Variants in CCDC85C observed in about 807,000 individuals in gnomAD.
CCDC85C encodes the protein coiled-coil domain containing 85C.
CCDC85C carries 18 observed loss-of-function variants against 38.3 expected under a neutral mutation model. The observed-to-expected ratio is 0.47, with a 90% confidence interval of 0.33 to 0.70. The LOEUF is 0.70. Among genes scored for constraint, CCDC85C ranks in the 30% least tolerant of loss-of-function variants. The pLI is 0.03. For synonymous variants in CCDC85C, 264 were observed against 293.8 expected (o/e 0.90, Z 1.04); for missense variants, 566 against 621.2 (o/e 0.91, Z 0.94).
chr14:99,563,240 C>T lies in CCDC85C; in HGVS notation c.794-27152G>A, dbSNP rs186684240. Reference sequence around the variant, plus strand: ...GGTGCACTGGGAGGCCAGGCATCCTCCCTCCTGCTTCTCCGTCCACTCCTC... The same window carrying T: ...GGTGCACTGGGAGGCCAGGCATCCTTCCTCCTGCTTCTCCGTCCACTCCTC... On this transcript the variant is annotated intron_variant, in intron 1 of 5. Coordinates refer to ENST00000380243, the MANE Select transcript of CCDC85C (RefSeq NM_001144995.2). Among the ~76,000 whole-genome samples, 31 of 152,388 alleles carry T rather than the reference C, an allele frequency of 2.0e-4. No homozygotes were observed. The East Asian group carries it at 5.8e-3, about 28-fold the overall frequency.
chr14:99,517,363 G>C (rs529463959), intron 3 of CCDC85C, among the ~76,000 whole-genome samples, 180 bp from the exon 4 acceptor site: 36 of 152,146 alleles, frequency 2.4e-4, no homozygotes, highest in Non-Finnish European at 4.7e-4. Flanking sequence ...AGCCAGTCTG[G>C]CCAGTCCCGC....
chr14:99,500,827 A>T lies in CCDC85C; in HGVS notation c.*14419T>A. ...ACCATCAAGTTTGATTTACAGGTAG[A>T]ACATCCATACCAGTTCCTACTAAAA... On this transcript the variant is annotated 3_prime_UTR_variant, in exon 6 of 6. Coordinates refer to ENST00000380243, the MANE Select transcript of CCDC85C (RefSeq NM_001144995.2). 1.3e-6 allele frequency: 2 copies of T among 1,566,218 alleles called. No homozygotes were observed. The highest frequency in any genetic ancestry group is 2.3e-5 in the East Asian group (1 of 42,906).
At chr14:99,530,724 G>T (rs905582172) in intron 2 of CCDC85C, among the ~76,000 whole-genome samples, 1 of 152,222 alleles carries the variant, frequency 6.6e-6, no homozygotes, top group Non-Finnish European at 1.5e-5. Context: ...TGCTTCCCAG[G>T]GGCCACATCA....
intron 1 of CCDC85C, among the ~76,000 whole-genome samples, chr14:99,575,222 C>T (rs1398527960): frequency 2.0e-5 from 3 of 152,196 alleles, no homozygotes; most frequent in Non-Finnish European, 4.4e-5. Context: ...CCTCAGCCAG[C>T]GCAGGGCATT....
chr14:99,595,212 CTT>C (rs2055130250), intron 1 of CCDC85C, among the ~76,000 whole-genome samples: 1 of 152,152 alleles, frequency 6.6e-6, no homozygotes, highest in Non-Finnish European at 1.5e-5. Flanking sequence ...CACCGCATGA[CTT>C]TGCTCGGCTC....
intron 3 of CCDC85C, among the ~76,000 whole-genome samples, chr14:99,521,019 T>G (rs1186736665): frequency 2.0e-5 from 3 of 152,210 alleles, no homozygotes; most frequent in Non-Finnish European, 2.9e-5. Context: ...CTGGTACATG[T>G]GAGAGCTGTG....
rs1595084897 is a variant in CCDC85C, at chr14:99,558,574, T to C, written c.794-22486A>G. Reference sequence around the variant, plus strand: ...AGGTGGAGGTTGCAGTGAGCCAAGATTGTGCCACTGCACTCCAGCCTGGAG... The same window carrying C: ...AGGTGGAGGTTGCAGTGAGCCAAGACTGTGCCACTGCACTCCAGCCTGGAG... On this transcript the variant is annotated intron_variant, in intron 1 of 5. Transcript: ENST00000380243. This position sits in a 1 kb window ranked among gnomAD's most constrained non-coding sequence, Gnocchi z 4.2. Among the ~76,000 whole-genome samples the C allele has an allele frequency of 6.6e-6, 1 of 152,200 alleles. No homozygotes were observed. Among genetic ancestry groups the C allele is most frequent in the South Asian group, 2.1e-4 (1 of 4,830 alleles).
chr14:99,517,316 G>A (rs1452950078), intron 3 of CCDC85C, 133 bp from the exon 4 acceptor site: 8 of 689,428 alleles, frequency 1.2e-5, no homozygotes, highest in Non-Finnish European at 1.9e-5. Flanking sequence ...GTGAGGCAGA[G>A]GAGGCAGGTG....
rs1897767553 is a variant in CCDC85C, at chr14:99,544,360, A to ATT, written c.794-8274_794-8273dup. Among the ~76,000 whole-genome samples, 1 of 152,082 alleles carries ATT rather than the reference A, an allele frequency of 6.6e-6. No individual in the cohort carries two copies. The highest frequency in any genetic ancestry group is 6.5e-5 in the Admixed American group (1 of 15,276). On this transcript the variant is annotated intron_variant, in intron 1 of 5. Coordinates refer to ENST00000380243, the MANE Select transcript of CCDC85C (RefSeq NM_001144995.2). This position sits in a 1 kb window ranked among gnomAD's most constrained non-coding sequence, Gnocchi z 5.3. ...ATCACCATGGTTGTCAGGGCTGTTC[A>ATT]TTCTAAGCTTTGCCTGGCAAGGAGG...
intron 1 of CCDC85C, among the ~76,000 whole-genome samples, chr14:99,597,188 C>G (rs760209812): frequency 4.5e-4 from 69 of 152,154 alleles, no homozygotes; most frequent in Admixed American, 1.4e-3. Context: ...ACCACCACCC[C>G]CCAAGCCAGA....
intron 1 of CCDC85C, among the ~76,000 whole-genome samples, chr14:99,595,941 C>G (rs1333159688): frequency 6.6e-6 from 1 of 152,246 alleles, no homozygotes; most frequent in Non-Finnish European, 1.5e-5. Context: ...CTTTCAGAAC[C>G]TGCCACTCTG....
chr14:99,514,975 A>G lies in CCDC85C; in HGVS notation c.*271T>C, dbSNP rs550491280. The G allele has an allele frequency of 8.3e-6, 3 of 363,248 alleles. No individual in the cohort carries two copies. In the East Asian group the frequency reaches 1.6e-4, roughly 20 times the overall value. The allele number at this position is 363,248 out of a possible 1,614,324, so 22.5% of individuals were successfully genotyped here. A position where few individuals can be genotyped will look rare whatever the true frequency, so the allele number is the denominator to read the frequency against. On this transcript the variant is annotated 3_prime_UTR_variant, in exon 6 of 6. Coordinates refer to ENST00000380243, the MANE Select transcript of CCDC85C (RefSeq NM_001144995.2). Reference sequence around the variant, plus strand: ...CTCTTGCTCATGGAGCCCAGGGCCCAGAGGGGGAATGAGGCGTCCGGGCCG... The same window carrying G: ...CTCTTGCTCATGGAGCCCAGGGCCCGGAGGGGGAATGAGGCGTCCGGGCCG...
At position 99,508,267 on chromosome 14, in the gene CCDC85C, A is replaced by G. The variant is rs1192594409; in HGVS notation, c.*6979T>C. The G allele has an allele frequency of 6.6e-6, 1 of 152,286 alleles. No homozygotes were observed. The highest frequency in any genetic ancestry group is 1.9e-4 in the East Asian group (1 of 5,206). The allele number at this position is 152,286 out of a possible 1,614,324, so 9.4% of individuals were successfully genotyped here. On this transcript the variant is annotated 3_prime_UTR_variant, in exon 6 of 6. Transcript: ENST00000380243. ...CTTACTTAAATGCCTGTGGTTGCTC[A>G]TGAAGCATTTATGGAGCACCTCCTC...
chr14:99,546,097 G>A (rs528092742), intron 1 of CCDC85C, among the ~76,000 whole-genome samples: 7 of 152,068 alleles, frequency 4.6e-5, no homozygotes, highest in Admixed American at 2.0e-4. Flanking sequence ...GCCCTAGAAC[G>A]CAGGTGCCAA....
rs2139945971 is a variant in CCDC85C at position 99,558,485 on chromosome 14, G to A, written c.794-22397C>T. On this transcript the variant is annotated intron_variant, in intron 1 of 5. Coordinates refer to ENST00000380243, the MANE Select transcript of CCDC85C (RefSeq NM_001144995.2). The surrounding 1 kb of genome is among the most constrained non-coding windows in gnomAD (Gnocchi z 4.2). ...AAAATACAAAAATTAGCTGGGCGTGGTGGCAGTTGCCTGTAATCCCAGCTA... is the reference window on the plus strand; with the variant it reads ...AAAATACAAAAATTAGCTGGGCGTGATGGCAGTTGCCTGTAATCCCAGCTA... 6.6e-6 allele frequency among the ~76,000 whole-genome samples: 1 copy of A among 152,250 alleles called. No individual in the cohort carries two copies. The highest frequency in any genetic ancestry group is 2.4e-5 in the African/African-American group (1 of 41,542).
At chr14:99,580,004 C>T (rs1170866483) in intron 1 of CCDC85C, 1 of 455,090 alleles carries the variant, frequency 2.2e-6, no homozygotes. Context: ...ATGACAAACC[C>T]CACATACCCC....
At chr14:99,527,380 G>A (rs1028315988) in intron 2 of CCDC85C, among the ~76,000 whole-genome samples, 14 of 152,202 alleles carry the variant, frequency 9.2e-5, no homozygotes, top group South Asian at 2.1e-4. Flanking sequence ...GTGTCAGCTC[G>A]GGCATGGGGT....
At position 99,588,107 on chromosome 14, in the gene CCDC85C, G is replaced by C. The variant is rs146654623; in HGVS notation, c.793+15060C>G. ...GGCCGGATTCCCCACTGGGTCTGTC[G>C]TCCCCAGTTCCTCCAGCTGCCAATC... is the stretch of plus-strand genomic sequence containing the variant. On this transcript the variant is annotated intron_variant, in intron 1 of 5. Coordinates refer to ENST00000380243, the MANE Select transcript of CCDC85C (RefSeq NM_001144995.2). This position sits in a 1 kb window ranked among gnomAD's most constrained non-coding sequence, Gnocchi z 5.0. Among the ~76,000 whole-genome samples, 2 of 152,088 alleles carry C rather than the reference G, an allele frequency of 1.3e-5. No homozygotes were observed. Among genetic ancestry groups the C allele is most frequent in the Non-Finnish European group, 2.9e-5 (2 of 68,030 alleles).
At chr14:99,579,190 C>G (rs1370659121) in intron 1 of CCDC85C, among the ~76,000 whole-genome samples, 1 of 152,250 alleles carries the variant, frequency 6.6e-6, no homozygotes, top group Non-Finnish European at 1.5e-5. Flanking sequence ...CCTTTTCCCC[C>G]ATGAAATGAC....
Sources: allele counts gnomAD v4.1 joint callset (sites outside exome capture counted in the v4.1 genomes callset), GRCh38; gene constraint gnomAD v4.1.1; non-coding constraint Gnocchi (gnomAD v3.1); transcripts MANE v1.5; gene names NCBI Gene and HGNC (gene_info 2026-07-23, HGNC 2026-07-21).